The following UBR4 variants were observed in gnomAD, a reference collection of about 807,000 sequenced individuals.
UBR4 encodes ubiquitin protein ligase E3 component n-recognin 4.
A neutral mutation model predicts 575.6 loss-of-function variants in UBR4; 124 were observed. The ratio of observed to expected loss-of-function variants is 0.22; its 90% CI spans 0.19 to 0.25. UBR4 has a LOEUF of 0.25. Among genes scored for constraint, UBR4 ranks in the 10% least tolerant of loss-of-function variants. UBR4 has a pLI of 1.00. For synonymous variants in UBR4, 2,455 were observed against 2,473.7 expected, an observed-to-expected ratio of 0.99 and a Z score of 0.22; for missense variants, 4,818 against 6,478.8, an observed-to-expected ratio of 0.74 and a Z score of 8.80.
At chr1:19,203,149 A>G (rs1427983972) in intron 1 of UBR4, among the ~76,000 whole-genome samples, 1 of 152,114 alleles carries the variant, frequency 6.6e-6, no homozygotes, top group East Asian at 1.9e-4. Context: ...AATGGAAAGA[A>G]CAACAGTGTG....
At chr1:19,080,410 C>T (rs546617333) in intron 103 of UBR4, 23 of 152,282 alleles carry the variant, frequency 1.5e-4, no homozygotes, top group African/African-American at 5.3e-4. Flanking sequence ...AATAAAGACA[C>T]CAGGTGTGCC....
chr1:19,161,941 A>G (rs2087434025), intron 35 of UBR4, 44 bp from the exon 36 acceptor site: 1 of 1,608,014 alleles, frequency 6.2e-7, no homozygotes, highest in Non-Finnish European at 8.5e-7. Flanking sequence ...ATATCCCTGC[A>G]TATAAACACC....
intron 97 of UBR4, among the ~76,000 whole-genome samples, chr1:19,090,310 C>T (rs1030702363): frequency 6.6e-6 from 1 of 152,218 alleles, no homozygotes. Context: ...AACTGTTCTT[C>T]CTACCTCCAA....
chr1:19,137,197 G>C (rs371582177), intron 60 of UBR4, among the ~76,000 whole-genome samples: 1 of 152,058 alleles, frequency 6.6e-6, no homozygotes. Flanking sequence ...CAACTCGGGA[G>C]GCTGAGGTAG....
In UBR4 at chr1:19,174,331, A is replaced by T. The variant is rs1010587233; in HGVS notation, c.2970T>A (p.Asn990Lys). Reference protein sequence around the residue: ...LDTVRRKENKNVTALEACALQ... With the variant: ...LDTVRRKENKKVTALEACALQ... ...TCCATGGTCTTACCAAGGCTGTTAC[A>T]TTCTTGTTTTCCTTTCTCCTAACTG... The change falls in exon 22 of 106, where the codon AAT (asparagine) becomes AAA (lysine). Residue 990 changes from asparagine (N) to lysine (K), a missense_variant. Physicochemically the swap from Asn to Lys is moderately conservative, Grantham distance 94. Around this residue, in one of 29 missense-constraint regions of UBR4, gnomAD observed 1,172 missense variants for 1,259.7 expected, o/e 0.93. Coordinates refer to ENST00000375254, the MANE Select transcript of UBR4 (RefSeq NM_020765.3). 1 of 1,613,206 alleles carries T rather than the reference A, an allele frequency of 6.2e-7. No homozygotes were observed. Among genetic ancestry groups the T allele is most frequent in the Non-Finnish European group, 8.5e-7 (1 of 1,179,890 alleles).
rs1018948980 is a variant in UBR4, at chr1:19,086,732, G to C, written c.14634C>G (p.Ser4878Arg). The C allele has an allele frequency of 6.2e-7, 1 of 1,614,118 alleles. No homozygotes were observed. The highest frequency in any genetic ancestry group is 8.5e-7 in the Non-Finnish European group (1 of 1,180,040). ...ENKPRKQQGY[S>R]TVSHFNIVHY... Reference sequence around the variant, plus strand: ...GCACAATGTTGAAGTGGGACACGGTGCTGTAGCCCTGCTGTTTCCGGGGCT... The same window carrying C: ...GCACAATGTTGAAGTGGGACACGGTCCTGTAGCCCTGCTGTTTCCGGGGCT... The change falls in exon 100 of 106, where the codon AGC (serine) becomes AGG (arginine). Residue 4878 changes from serine to arginine, a missense_variant. By Grantham distance (110) the Ser-to-Arg change is moderately radical. This residue lies in a region of UBR4 where 196 missense variants were observed against 386.8 expected (regional missense o/e 0.51). Transcript: ENST00000375254.
chr1:19,181,409 C>T (rs1168666920), intron 17 of UBR4, among the ~76,000 whole-genome samples: 2 of 152,146 alleles, frequency 1.3e-5, no homozygotes, highest in Non-Finnish European at 2.9e-5. Context: ...CCCAAACCAA[C>T]TCCCCTTCCT....
Position 19,074,833 on chromosome 1 carries a change from C to A in UBR4, c.15551G>T (p.Ter5184LeuextTer65). The A allele has an allele frequency of 6.2e-7, 1 of 1,614,018 alleles. No individual in the cohort carries two copies. The highest frequency in any genetic ancestry group is 1.1e-5 in the South Asian group (1 of 90,990). ...FLKDLLNSVP[*>L] is the part of the protein sequence containing the mutation. ...GCCGCCGCAGCTGCTGTGTGGTGGT[C>A]AGGGGACTGAGTTCAACAGGTCCTT... Residue 5184 changes from the stop codon to leucine (L), a stop_lost, in exon 106 of 106, where the codon TGA becomes TTA. Transcript: ENST00000375254.
chr1:19,154,444 A>G (rs572809491), intron 44 of UBR4, among the ~76,000 whole-genome samples: 1 of 152,244 alleles, frequency 6.6e-6, no homozygotes, highest in East Asian at 1.9e-4. Flanking sequence ...AACTCTCACT[A>G]CCTTACACAC....
rs996453807 is a variant in UBR4, at chr1:19,127,630, A to G, written c.9221T>C (p.Ile3074Thr). The G allele has an allele frequency of 8.1e-6, 13 of 1,613,802 alleles. No homozygotes were observed. The African/African-American group carries it at 1.5e-4, about 18-fold the overall frequency. ...SRTKSGSKSS[I>T]CESSSLISSA... ...AACCCAAAGCAAAAATACCTCACAT[A>G]TGGAAGACTTGGATCCAGATTTGGT... The change falls in exon 63 of 106, where the codon ATA (isoleucine) becomes ACA (threonine). Residue 3074 changes from isoleucine to threonine, a missense_variant. Physicochemically the swap from Ile to Thr is moderately conservative, Grantham distance 89. This residue lies in a region of UBR4 where 550 missense variants were observed against 791.5 expected (regional missense o/e 0.69). Coordinates refer to ENST00000375254, the MANE Select transcript of UBR4 (RefSeq NM_020765.3).
chr1:19,198,061 CAT>C lies in UBR4; in HGVS notation c.649-14_649-13del, dbSNP rs781428209. The C allele has an allele frequency of 6.2e-7, 1 of 1,612,092 alleles. No individual in the cohort carries two copies. Among genetic ancestry groups the C allele is most frequent in the South Asian group, 1.1e-5 (1 of 91,048 alleles). Reference sequence around the variant, plus strand: ...TTTTCTCCTTCCACCTGAAAAGAAACATAAGGCCTGTCAAGATACTATTATCT... The same window carrying C: ...TTTTCTCCTTCCACCTGAAAAGAAACAAGGCCTGTCAAGATACTATTATCT... On this transcript the variant is annotated splice_polypyrimidine_tract_variant and intron_variant, in intron 5 of 105. Transcript: ENST00000375254.
rs1328725643 is a variant in UBR4, at chr1:19,139,075, C to T, written c.8731+8G>A. The T allele has an allele frequency of 1.2e-6, 2 of 1,605,920 alleles. No individual in the cohort carries two copies. The highest frequency in any genetic ancestry group is 2.2e-5 in the East Asian group (1 of 44,674). Reference sequence around the variant, plus strand: ...CAAGGAGACAGGACCCCCGCCATGGCACATTACCACTGTGCTCGCCAGCCA... The same window carrying T: ...CAAGGAGACAGGACCCCCGCCATGGTACATTACCACTGTGCTCGCCAGCCA... On this transcript the variant is annotated splice_region_variant and intron_variant, in intron 59 of 105. Coordinates refer to ENST00000375254, the MANE Select transcript of UBR4 (RefSeq NM_020765.3). The surrounding 1 kb of genome is among the most constrained non-coding windows in gnomAD (Gnocchi z 4.2).
chr1:19,165,640 G>A lies in UBR4; in HGVS notation c.4211+16C>T. 6.2e-7 allele frequency: 1 copy of A among 1,609,866 alleles called. No homozygotes were observed. The highest frequency in any genetic ancestry group is 8.5e-7 in the Non-Finnish European group (1 of 1,178,336). On this transcript the variant is annotated intron_variant, in intron 30 of 105. Transcript: ENST00000375254. ...ATTCAAAAAATATTCACTGAATAAA[G>A]CAAAACACGGCTCACCTGTCAGAGA...
At chr1:19,101,894 C>G (rs2078668609) in intron 87 of UBR4, among the ~76,000 whole-genome samples, 1 of 152,202 alleles carries the variant, frequency 6.6e-6, no homozygotes, top group African/African-American at 2.4e-5. Flanking sequence ...ACATGTCTTG[C>G]TCTCTCTCAG....
chr1:19,144,707 A>AT, intron 54 of UBR4, 79 bp downstream of exon 54: 1 of 1,534,268 alleles, frequency 6.5e-7, no homozygotes, highest in Admixed American at 2.0e-5. Flanking sequence ...ATTTTATTTC[A>AT]TTAGCTTAGC....
chr1:19,199,888 G>T, intron 2 of UBR4, 134 bp from the exon 3 acceptor site: 1 of 717,746 alleles, frequency 1.4e-6, no homozygotes. Context: ...AACCCAAGGG[G>T]TAAACAAAGG....
At chr1:19,121,906 A>C (rs780587663) in intron 67 of UBR4, 28 bp downstream of exon 67, 1 of 1,613,480 alleles carries the variant, frequency 6.2e-7, no homozygotes, top group Non-Finnish European at 8.5e-7. Context: ...AATGAATAAC[A>C]GCAATCAAAA....
At position 19,138,190 on chromosome 1, in the gene UBR4, A is replaced by C. The variant is rs1433710543; in HGVS notation, c.8732-9T>G. On this transcript the variant is annotated splice_polypyrimidine_tract_variant and intron_variant, in intron 59 of 105. Transcript: ENST00000375254. Reference sequence around the variant, plus strand: ...ACTGCTCCGGCCAGATACTAGAGGGAAATGGTTTAAAAAGCACAAATCAAC... The same window carrying C: ...ACTGCTCCGGCCAGATACTAGAGGGCAATGGTTTAAAAAGCACAAATCAAC... 5 of 1,481,404 alleles carry C rather than the reference A, an allele frequency of 3.4e-6. No individual in the cohort carries two copies. The highest frequency in any genetic ancestry group is 4.5e-6 in the Non-Finnish European group (5 of 1,105,116). 91.8% of individuals were successfully genotyped at this position (1,481,404 alleles called of 1,614,324 possible).
At position 19,150,705 on chromosome 1, in the gene UBR4, A is replaced by C. The variant is rs2085555630; in HGVS notation, c.7302T>G (p.Asp2434Glu). 7 of 1,614,150 alleles carry C rather than the reference A, an allele frequency of 4.3e-6. No homozygotes were observed. The highest frequency in any genetic ancestry group is 5.9e-6 in the Non-Finnish European group (7 of 1,180,014). The change falls in exon 49 of 106, where the codon GAT becomes GAG. Residue 2434 changes from aspartate to glutamate, a missense_variant. Around this residue, in one of 29 missense-constraint regions of UBR4, gnomAD observed 340 missense variants for 375.4 expected, o/e 0.91. Coordinates refer to ENST00000375254, the MANE Select transcript of UBR4 (RefSeq NM_020765.3). ...GKTKEQFGWP[D>E]EPPEEFPSAS... ...CAGAAGGGAATTCTTCTGGGGGCTC[A>C]TCAGGCCAGCCAAACTGCTCCTTAG... is the stretch of plus-strand genomic sequence containing the variant.
Sources: allele counts gnomAD v4.1 joint callset (sites outside exome capture counted in the v4.1 genomes callset), GRCh38; gene constraint gnomAD v4.1.1; regional missense constraint gnomAD v4.1.1; non-coding constraint Gnocchi (gnomAD v3.1); transcripts MANE v1.5; gene names NCBI Gene and HGNC (gene_info 2026-07-23, HGNC 2026-07-21).